The following MYO16 variants were observed in gnomAD, a reference collection of about 807,000 sequenced individuals.
MYO16 encodes the protein unconventional myosin-XVI.
Under a neutral mutation model 205.3 loss-of-function variants are expected in MYO16, and 94 were observed. The ratio of observed to expected loss-of-function variants is 0.46; its 90% CI spans 0.39 to 0.54. MYO16 has a LOEUF of 0.54. Ranked by LOEUF, MYO16 falls within the 20% of genes least tolerant of loss-of-function variation. The pLI is 0.00. For missense variants in MYO16, 2,315 were observed against 2,387.5 expected (o/e 0.97, Z 0.63); for synonymous variants, 988 against 954.0 (o/e 1.04, Z -0.66).
chr13:109,009,534 A>G (rs990735411), intron 22 of MYO16, among the ~76,000 whole-genome samples: 5 of 152,190 alleles, frequency 3.3e-5, no homozygotes, highest in African/African-American at 9.7e-5. Flanking sequence ...AGGTGTTTAT[A>G]GTTTTAGTTT....
At chr13:108,505,917 C>G in the MYO16 span, among the ~76,000 whole-genome samples, 1 of 152,088 alleles carries the variant, frequency 6.6e-6, no homozygotes, top group Non-Finnish European at 1.5e-5. Context: ...GTTGAAGATA[C>G]TATTCTTTCC....
intron 1 of MYO16, among the ~76,000 whole-genome samples, chr13:108,600,602 A>G (rs555133427): frequency 4.6e-5 from 7 of 152,318 alleles, no homozygotes; most frequent in Middle Eastern, 3.4e-3. Context: ...AAACTAAAAA[A>G]CAAAAGGTAA....
chr13:109,134,022 G>A (rs947754515), intron 31 of MYO16, among the ~76,000 whole-genome samples: 3 of 152,186 alleles, frequency 2.0e-5, no homozygotes, highest in African/African-American at 7.2e-5. Context: ...CACACTTTAA[G>A]GAACAGTTCT....
intron 2 of MYO16, among the ~76,000 whole-genome samples, chr13:108,707,527 C>CTG (rs1883558223): frequency 6.6e-6 from 1 of 152,164 alleles, no homozygotes; most frequent in Admixed American, 6.5e-5. Flanking sequence ...TGAGCACCTC[C>CTG]TGTGAGCTCA....
At chr13:109,074,682 C>T (rs1351426276) in intron 27 of MYO16, among the ~76,000 whole-genome samples, 2 of 151,926 alleles carry the variant, frequency 1.3e-5, no homozygotes, top group East Asian at 1.9e-4. Context: ...AGGAGAACAG[C>T]GTGGGGGAAC....
intron 2 of MYO16, among the ~76,000 whole-genome samples, chr13:108,682,931 C>T (rs976446062): frequency 6.6e-6 from 1 of 152,110 alleles, no homozygotes. Flanking sequence ...CTGCTGGCAA[C>T]GTGCCTTATG....
intron 3 of MYO16, among the ~76,000 whole-genome samples, chr13:108,722,918 C>A (rs769970308): frequency 1.1e-4 from 16 of 152,100 alleles, no homozygotes; most frequent in Non-Finnish European, 1.8e-4. Context: ...TACAGAAAGA[C>A]CTTAGTTCAA....
intron 23 of MYO16, among the ~76,000 whole-genome samples, chr13:109,026,718 C>T (rs572170209): frequency 6.6e-6 from 1 of 152,126 alleles, no homozygotes. Context: ...TTTTCCTTAC[C>T]TGGAACATCC....
rs561599115 is a variant in MYO16, at chr13:109,052,388, C to G, written c.2961C>G (p.Phe987Leu). Residue 987 changes from phenylalanine to leucine, a missense_variant, in exon 25 of 35, where the codon TTC becomes TTG. Phe to Leu is a conservative substitution (Grantham distance 22, BLOSUM62 0). This residue lies in a region of MYO16 where 1,213 missense variants were observed against 1,274.4 expected (regional missense o/e 0.95). Coordinates refer to ENST00000457511, the MANE Select transcript of MYO16 (RefSeq NM_001198950.3). ...SLVSAYPSFK[F>L]RGHKSALLSK... is the part of the protein sequence containing the mutation. Reference sequence around the variant, plus strand: ...TATCTGCCTATCCTTCCTTTAAATTCCGAGGACATAAGTCTGCCCTGCTCA... The same window carrying G: ...TATCTGCCTATCCTTCCTTTAAATTGCGAGGACATAAGTCTGCCCTGCTCA... 6.2e-7 allele frequency: 1 copy of G among 1,612,416 alleles called. No individual in the cohort carries two copies. The highest frequency in any genetic ancestry group is 8.5e-7 in the Non-Finnish European group (1 of 1,178,654).
At chr13:109,011,226 C>T (rs557261216) in intron 22 of MYO16, among the ~76,000 whole-genome samples, 84 of 151,970 alleles carry the variant, frequency 5.5e-4, no homozygotes, top group Non-Finnish European at 6.5e-4. Flanking sequence ...TTCCTAGTGG[C>T]ATTCTCCTCT....
intron 4 of MYO16, among the ~76,000 whole-genome samples, chr13:108,781,148 C>G (rs1361137): frequency 0.73 from 111,660 of 152,182 alleles, 41,309 homozygotes; most frequent in Middle Eastern, 0.82. Flanking sequence ...TATAGTATTT[C>G]ACTGGGAACA....
chr13:108,607,513 C>T (rs1287630866), intron 1 of MYO16, among the ~76,000 whole-genome samples: 2 of 152,232 alleles, frequency 1.3e-5, no homozygotes, highest in East Asian at 3.9e-4. Context: ...TGAAGAAGGA[C>T]ATGTTTCCTT....
In MYO16 at chr13:108,742,038, G is replaced by A. The variant is rs1161879781; in HGVS notation, c.507+14455G>A. On this transcript the variant is annotated intron_variant, in intron 4 of 34. Coordinates refer to ENST00000457511, the MANE Select transcript of MYO16 (RefSeq NM_001198950.3). ...AGACAGAATCTTACTTTGTTGCTAA[G>A]CTGGAGTGCAGTAGCATGATCTTGG... Among the ~76,000 whole-genome samples the A allele has an allele frequency of 2.0e-5, 3 of 152,108 alleles. No homozygotes were observed. The East Asian group carries it at 5.8e-4, about 29-fold the overall frequency.
At chr13:108,546,257 G>T in the MYO16 span, among the ~76,000 whole-genome samples, 1 of 152,134 alleles carries the variant, frequency 6.6e-6, no homozygotes, top group Non-Finnish European at 1.5e-5. Flanking sequence ...AGGCCCTTAG[G>T]GTTGCGTTCT....
chr13:108,718,038 C>T (rs1340822164), intron 3 of MYO16, among the ~76,000 whole-genome samples: 1 of 152,122 alleles, frequency 6.6e-6, no homozygotes, highest in Admixed American at 6.5e-5. Flanking sequence ...CTGCTCTTTG[C>T]TCTTCACCAT....
intron 21 of MYO16, among the ~76,000 whole-genome samples, chr13:109,000,376 A>T (rs944195185): frequency 1.7e-4 from 26 of 152,214 alleles, no homozygotes; most frequent in African/African-American, 6.3e-4. Context: ...AAGTTTTATG[A>T]GGCCCAGTGG....
chr13:108,908,991 T>TA (rs1020974293), intron 15 of MYO16, among the ~76,000 whole-genome samples: 4 of 148,102 alleles, frequency 2.7e-5, no homozygotes, highest in African/African-American at 9.8e-5. Flanking sequence ...TAAAATAAAA[T>TA]AAATAAATAA....
chr13:108,813,683 C>T (rs1461939128), intron 7 of MYO16, among the ~76,000 whole-genome samples: 1 of 152,106 alleles, frequency 6.6e-6, no homozygotes, highest in East Asian at 1.9e-4. Context: ...TCCTTTTATA[C>T]AGACACACAA....
intron 2 of MYO16, among the ~76,000 whole-genome samples, chr13:108,704,971 C>A (rs1594225751): frequency 6.6e-6 from 1 of 151,330 alleles, no homozygotes; most frequent in East Asian, 1.9e-4. Flanking sequence ...CTGACCAAAC[C>A]AAACCAAAAC....
Sources: allele counts gnomAD v4.1 joint callset (sites outside exome capture counted in the v4.1 genomes callset), GRCh38; gene constraint gnomAD v4.1.1; regional missense constraint gnomAD v4.1.1; transcripts MANE v1.5; gene names NCBI Gene and HGNC (gene_info 2026-07-23, HGNC 2026-07-21).